NRXN3: variants seen among roughly 807,000 people sequenced by gnomAD.
NRXN3 encodes the protein neurexin 3.
A neutral mutation model predicts 137.6 loss-of-function variants in NRXN3; 32 were observed. The ratio of observed to expected loss-of-function variants is 0.23; its 90% CI spans 0.18 to 0.31. The LOEUF (loss-of-function observed/expected upper bound fraction) is 0.31, where lower values mean the gene tolerates loss of function less well. Among genes scored for constraint, NRXN3 ranks in the 10% least tolerant of loss-of-function variants. NRXN3 has a pLI of 1.00. For missense variants in NRXN3, 1,574 were observed against 2,062.5 expected, an observed-to-expected ratio of 0.76 and a Z score of 4.59; for synonymous variants, 798 against 784.5, an observed-to-expected ratio of 1.02 and a Z score of -0.29.
chr14:78,709,853 C>T (rs1415857339), intron 7 of NRXN3, 198 bp downstream of exon 7: 4 of 584,262 alleles, frequency 6.8e-6, no homozygotes, highest in Non-Finnish European at 1.2e-5. Context: ...GCTTATCTCT[C>T]TTGTCACTCA....
intron 15 of NRXN3, among the ~76,000 whole-genome samples, chr14:78,993,836 T>A (rs1351132499): frequency 2.4e-5 from 2 of 84,858 alleles, no homozygotes; most frequent in Non-Finnish European, 3.8e-5. Flanking sequence ...GCCTTGAAAT[T>A]TTTTTTTTTT....
intron 15 of NRXN3, among the ~76,000 whole-genome samples, chr14:79,100,997 C>T (rs2051180619): frequency 6.6e-6 from 1 of 152,004 alleles, no homozygotes; most frequent in Non-Finnish European, 1.5e-5. Flanking sequence ...ATTAATAATC[C>T]CTTGATCTTT....
At chr14:78,504,587 G>A (rs983214796) in intron 4 of NRXN3, among the ~76,000 whole-genome samples, 10 of 152,098 alleles carry the variant, frequency 6.6e-5, no homozygotes, top group Non-Finnish European at 1.0e-4. Flanking sequence ...CAGCATTCCA[G>A]GTAATTCTGA....
At chr14:78,324,845 G>A (rs1307966231) in intron 4 of NRXN3, among the ~76,000 whole-genome samples, 3 of 152,026 alleles carry the variant, frequency 2.0e-5, no homozygotes, top group Admixed American at 6.5e-5. Flanking sequence ...AGGTTGTGAT[G>A]ACAAATGGCC....
At chr14:78,705,051 CCCA>C in intron 6 of NRXN3, among the ~76,000 whole-genome samples, 1 of 152,312 alleles carries the variant, frequency 6.6e-6, no homozygotes. Context: ...TCTTTACAAG[CCCA>C]TGGGTGGGAT....
At position 78,645,235 on chromosome 14, in the gene NRXN3, G is replaced by T; in HGVS notation, c.873G>T (p.Gln291His). Reference protein sequence around the residue: ...DEITLSFKTWQRNGLILHTGK... With the variant: ...DEITLSFKTWHRNGLILHTGK... ...TCACCCTCTCCTTTAAGACCTGGCA[G>T]CGTAACGGCCTCATCCTGCACACGG... is the stretch of plus-strand genomic sequence containing the variant. The change falls in exon 5 of 21, where the codon CAG becomes CAT. Residue 291 changes from glutamine to histidine, a missense_variant. Around this residue, in one of 5 missense-constraint regions of NRXN3, gnomAD observed 400 missense variants for 527.3 expected, o/e 0.76. Coordinates refer to ENST00000335750, the MANE Select transcript of NRXN3 (RefSeq NM_001330195.2). 1.3e-6 allele frequency: 2 copies of T among 1,598,796 alleles called. No homozygotes were observed. Among genetic ancestry groups the T allele is most frequent in the East Asian group, 4.5e-5 (2 of 44,882 alleles).
intron 15 of NRXN3, among the ~76,000 whole-genome samples, chr14:79,107,202 AT>A (rs1046295452): frequency 2.0e-5 from 3 of 152,106 alleles, no homozygotes; most frequent in African/African-American, 7.2e-5. Context: ...CAACCTTCAT[AT>A]TTTACTGATG....
At chr14:78,824,540 A>T (rs2098960860) in intron 10 of NRXN3, among the ~76,000 whole-genome samples, 1 of 152,212 alleles carries the variant, frequency 6.6e-6, no homozygotes, top group Non-Finnish European at 1.5e-5. Flanking sequence ...TCTGTAGATA[A>T]ACACAGATTT....
chr14:78,796,041 G>A (rs2098820632), intron 8 of NRXN3, among the ~76,000 whole-genome samples: 1 of 152,198 alleles, frequency 6.6e-6, no homozygotes, highest in South Asian at 2.1e-4. Context: ...GAAGAGGCAG[G>A]CTACTGGTGC....
chr14:78,495,851 C>T (rs2095771806), intron 4 of NRXN3, among the ~76,000 whole-genome samples: 1 of 152,226 alleles, frequency 6.6e-6, no homozygotes, highest in Admixed American at 6.5e-5. Context: ...TGAACAGACT[C>T]TTTTCCCAAA....
chr14:79,567,768 G>A (rs148991979), intron 16 of NRXN3, among the ~76,000 whole-genome samples: 7 of 152,044 alleles, frequency 4.6e-5, no homozygotes, highest in African/African-American at 1.7e-4. Context: ...TTTTAACTGC[G>A]TGGGCTGGAC....
At chr14:79,291,261 C>G (rs988392047) in intron 15 of NRXN3, among the ~76,000 whole-genome samples, 2 of 152,104 alleles carry the variant, frequency 1.3e-5, no homozygotes, top group African/African-American at 4.8e-5. Context: ...TTTATTATAG[C>G]AATTGATCAC....
chr14:79,812,544 C>T (rs1454816327), intron 20 of NRXN3, among the ~76,000 whole-genome samples: 3 of 152,068 alleles, frequency 2.0e-5, no homozygotes, highest in Admixed American at 6.6e-5. Flanking sequence ...TGATGCCAAG[C>T]AGTGACAGAT....
At chr14:79,859,629 T>A (rs1262016654) in intron 20 of NRXN3, among the ~76,000 whole-genome samples, 2 of 152,216 alleles carry the variant, frequency 1.3e-5, no homozygotes, top group Non-Finnish European at 2.9e-5. Context: ...GCTTTGTTAC[T>A]GATGAGGTGG....
chr14:79,796,677 G>A (rs1357050439), intron 19 of NRXN3, among the ~76,000 whole-genome samples: 3 of 152,090 alleles, frequency 2.0e-5, no homozygotes, highest in African/African-American at 2.4e-5. Context: ...GTCTGCAAAG[G>A]GATTTCCTTA....
chr14:79,261,645 T>TGTGTG (rs2077609054), intron 15 of NRXN3, among the ~76,000 whole-genome samples: 2 of 22,880 alleles, frequency 8.7e-5, no homozygotes, highest in South Asian at 1.9e-3. Context: ...GTGTGTGTGA[T>TGTGTG]GGGGTGGGGG....
chr14:79,835,171 G>T (rs112942663), intron 20 of NRXN3, among the ~76,000 whole-genome samples: 242 of 152,282 alleles, frequency 1.6e-3, no homozygotes, highest in Admixed American at 3.7e-3. Flanking sequence ...TAAGGGAGTA[G>T]ATTTTAAGTG....
At chr14:79,715,680 C>T (rs1281449688) in intron 19 of NRXN3, among the ~76,000 whole-genome samples, 1 of 152,284 alleles carries the variant, frequency 6.6e-6, no homozygotes, top group East Asian at 1.9e-4. Flanking sequence ...CATGAACAAA[C>T]CAATTTTACA....
chr14:78,243,207 C>T lies in NRXN3; in HGVS notation c.114C>T (p.Ala38=). 3 of 1,545,734 alleles carry T rather than the reference C, an allele frequency of 1.9e-6. No homozygotes were observed. Among genetic ancestry groups the T allele is most frequent in the South Asian group, 2.4e-5 (2 of 84,508 alleles). The change falls in exon 2 of 21, where the codon GCC becomes GCT. Residue 38 remains alanine, a synonymous_variant. Transcript: ENST00000335750. The surrounding 1 kb of genome is among the most constrained non-coding windows in gnomAD (Gnocchi z 4.2). ...LEFMGLPNQW[A]RYLRWDASTR... is the part of the protein sequence containing the mutation. The stretch of plus-strand genomic sequence containing the variant: ...TCATGGGCCTCCCCAACCAGTGGGC[C>T]CGCTACCTCCGCTGGGATGCCAGCA...
Sources: gnomAD v4.1 joint callset for allele counts (sites outside exome capture counted in the v4.1 genomes callset) on GRCh38, gnomAD v4.1.1 for gene constraint, gnomAD v4.1.1 regional missense constraint, Gnocchi (gnomAD v3.1) non-coding constraint, MANE v1.5 for transcripts, NCBI Gene and HGNC (gene_info 2026-07-23, HGNC 2026-07-21) for gene names.